The following UTS2 variants were observed in gnomAD, a reference collection of about 807,000 sequenced individuals.
The protein encoded by UTS2 is urotensin 2.
UTS2 carries 10 observed loss-of-function variants against 12.6 expected under a neutral mutation model. The observed-to-expected ratio is 0.80, with a 90% CI of 0.49 to 1.35. UTS2 has a LOEUF of 1.35. Ranked by LOEUF, UTS2 falls within the 40% of genes most tolerant of loss-of-function variation. The probability of loss-of-function intolerance (pLI) is 0.00; values close to 1 mark genes in which losing one functional copy is unlikely to be tolerated. For missense variants in UTS2, 142 were observed against 143.2 expected, an observed-to-expected ratio of 0.99 and a Z score of 0.04; for synonymous variants, 52 against 50.0, an observed-to-expected ratio of 1.04 and a Z score of -0.17.
chr1:7,874,497 G>A, the UTS2 span, among the ~76,000 whole-genome samples: 20,940 of 152,174 alleles, frequency 0.14, 1,850 homozygotes, highest in Non-Finnish European at 0.18. Context: ...ACAATGCAGG[G>A]TGACTGGGTC....
chr1:7,863,021 T>G, the UTS2 span, among the ~76,000 whole-genome samples: 1 of 23,900 alleles, frequency 4.2e-5, no homozygotes, highest in African/African-American at 1.3e-4. Flanking sequence ...TTGTATTGTA[T>G]TGTATTGTAT....
chr1:7,857,094 G>T (rs1169611764), upstream of UTS2, among the ~76,000 whole-genome samples: 1 of 115,096 alleles, frequency 8.7e-6, no homozygotes, highest in African/African-American at 3.6e-5. Context: ...AAGGAAGGAA[G>T]GAAGAAAAGG....
At chr1:7,860,303 A>G in the UTS2 span, among the ~76,000 whole-genome samples, 1 of 152,108 alleles carries the variant, frequency 6.6e-6, no homozygotes, top group African/African-American at 2.4e-5. Flanking sequence ...CCTCACAGCT[A>G]GCTGAGAGAA....
At chr1:7,868,057 T>C in the UTS2 span, among the ~76,000 whole-genome samples, 2 of 152,076 alleles carry the variant, frequency 1.3e-5, no homozygotes, top group African/African-American at 4.8e-5. Context: ...AGCTCACACC[T>C]TCAAAATGTT....
At chr1:7,869,095 G>A in the UTS2 span, among the ~76,000 whole-genome samples, 1 of 152,248 alleles carries the variant, frequency 6.6e-6, no homozygotes, top group Non-Finnish European at 1.5e-5. Flanking sequence ...CACATGCCCA[G>A]TGTCTCTAGG....
the UTS2 span, among the ~76,000 whole-genome samples, chr1:7,910,196 C>A: frequency 2.0e-5 from 3 of 152,240 alleles, no homozygotes; most frequent in East Asian, 5.8e-4. Context: ...ATCCCCCTTC[C>A]CCAAGGTGGG....
intron 2 of UTS2, among the ~76,000 whole-genome samples, chr1:7,850,108 T>G (rs2097412428): frequency 6.6e-6 from 1 of 152,024 alleles, no homozygotes; most frequent in African/African-American, 2.4e-5. Context: ...TAGCTGGGAT[T>G]ACAGGTGCCC....
chr1:7,906,489 A>AAGAAAGAC, the UTS2 span, among the ~76,000 whole-genome samples: 2 of 149,024 alleles, frequency 1.3e-5, no homozygotes, highest in Non-Finnish European at 3.0e-5. Context: ...GAAAGAAAGA[A>AAGAAAGAC]AGAAAGAAAG....
the UTS2 span, among the ~76,000 whole-genome samples, chr1:7,862,976 ATTTATTGTGTTGTGTTGTATTGTAT>A: frequency 2.4e-4 from 31 of 131,364 alleles, no homozygotes; most frequent in African/African-American, 7.6e-4. Context: ...GACGGCCGTT[ATTTATTGTGTTGTGTTGTATTGTAT>A]TGTATTGTAT....
chr1:7,906,272 C>G, the UTS2 span, among the ~76,000 whole-genome samples: 2 of 151,956 alleles, frequency 1.3e-5, no homozygotes, highest in Admixed American at 1.3e-4. Context: ...TTTCCATGTT[C>G]CTGCAAAGAT....
At chr1:7,913,035 T>C in the UTS2 span, among the ~76,000 whole-genome samples, 1 of 150,628 alleles carries the variant, frequency 6.6e-6, no homozygotes, top group African/African-American at 2.5e-5. Context: ...TTCCTCTAAC[T>C]CTGTGCTCCA....
At chr1:7,903,660 G>T in the UTS2 span, among the ~76,000 whole-genome samples, 1 of 55,596 alleles carries the variant, frequency 1.8e-5, no homozygotes, top group Admixed American at 2.7e-4. Flanking sequence ...AAAGTGCTGG[G>T]ATTACAGGCA....
chr1:7,863,420 T>C, the UTS2 span, among the ~76,000 whole-genome samples: 1 of 152,208 alleles, frequency 6.6e-6, no homozygotes, highest in Non-Finnish European at 1.5e-5. Flanking sequence ...CGACAGCCGT[T>C]ATTTAAAATT....
chr1:7,904,308 A>AAT, the UTS2 span, among the ~76,000 whole-genome samples: 1 of 138,972 alleles, frequency 7.2e-6, no homozygotes, highest in Non-Finnish European at 1.5e-5. Flanking sequence ...TCTACAAAAA[A>AAT]TAAAAAAAAA....
chr1:7,909,765 C>T, the UTS2 span, among the ~76,000 whole-genome samples: 1 of 151,876 alleles, frequency 6.6e-6, no homozygotes, highest in African/African-American at 2.4e-5. Flanking sequence ...GGACTACAGG[C>T]GCCCACCACC....
At chr1:7,879,893 C>T in the UTS2 span, among the ~76,000 whole-genome samples, 3 of 152,062 alleles carry the variant, frequency 2.0e-5, no homozygotes, top group African/African-American at 7.2e-5. Context: ...AATAAAAAGC[C>T]TAATGTTGTA....
the UTS2 span, among the ~76,000 whole-genome samples, chr1:7,879,455 A>G: frequency 6.6e-6 from 1 of 152,294 alleles, no homozygotes; most frequent in East Asian, 1.9e-4. Context: ...TAAGTCTTGA[A>G]ACAAGTCAGG....
chr1:7,865,741 C>T, the UTS2 span, among the ~76,000 whole-genome samples: 6 of 152,130 alleles, frequency 3.9e-5, no homozygotes, highest in South Asian at 4.2e-4. Flanking sequence ...CAGACCAGCC[C>T]GAGCAACACA....
At chr1:7,848,584 G>T (rs554826581) in intron 3 of UTS2, among the ~76,000 whole-genome samples, 74 of 152,074 alleles carry the variant, frequency 4.9e-4, no homozygotes, top group Admixed American at 1.1e-3. Flanking sequence ...GAAGTAGTGC[G>T]ATCTCCTCTC....
Sources: allele counts gnomAD v4.1 joint callset (sites outside exome capture counted in the v4.1 genomes callset), GRCh38; gene constraint gnomAD v4.1.1; transcripts MANE v1.5; gene names NCBI Gene and HGNC (gene_info 2026-07-23, HGNC 2026-07-21).